COL25A1: variants seen among roughly 807,000 people sequenced by gnomAD.
COL25A1 encodes the protein collagen alpha-1(XXV) chain.
Under a neutral mutation model 128.4 loss-of-function variants are expected in COL25A1, and 103 were observed. The ratio of observed to expected loss-of-function variants is 0.80; its 90% CI spans 0.68 to 0.94. The LOEUF (loss-of-function observed/expected upper bound fraction) is 0.94. Ranked by LOEUF, COL25A1 falls within the 40% of genes least tolerant of loss-of-function variation. The probability of loss-of-function intolerance (pLI) is 0.00; values close to 1 mark genes in which losing one functional copy is unlikely to be tolerated. For synonymous variants in COL25A1, 279 were observed against 277.2 expected (o/e 1.01, Z -0.06); for missense variants, 745 against 840.0 (o/e 0.89, Z 1.40).
intron 12 of COL25A1, among the ~76,000 whole-genome samples, chr4:108,918,957 A>G (rs928042234): frequency 6.6e-6 from 1 of 152,232 alleles, no homozygotes; most frequent in Admixed American, 6.5e-5. Context: ...ATGACATTTA[A>G]CGGGATATAG....
chr4:108,980,207 C>T (rs564020616), intron 6 of COL25A1, among the ~76,000 whole-genome samples: 5 of 152,198 alleles, frequency 3.3e-5, no homozygotes, highest in East Asian at 1.9e-4. Flanking sequence ...ACGGGGTGTT[C>T]GGGATTCTTA....
chr4:109,113,565 G>T (rs773581755), intron 3 of COL25A1, among the ~76,000 whole-genome samples: 3 of 152,016 alleles, frequency 2.0e-5, no homozygotes, highest in Non-Finnish European at 4.4e-5. Flanking sequence ...ATGTTAAAAT[G>T]TTAATGGATA....
intron 30 of COL25A1, among the ~76,000 whole-genome samples, chr4:108,843,169 AAGAG>A (rs1734661260): frequency 1.4e-5 from 2 of 147,852 alleles, no homozygotes; most frequent in Non-Finnish European, 3.0e-5. Flanking sequence ...AAAAAAAAAA[AAGAG>A]GAAGAAGAAG....
chr4:109,165,037 C>T (rs183779575), intron 3 of COL25A1, among the ~76,000 whole-genome samples: 1 of 152,230 alleles, frequency 6.6e-6, no homozygotes, highest in East Asian at 1.9e-4. Flanking sequence ...AAAACTGTTA[C>T]CTCCAAATAG....
Position 109,302,192 on chromosome 4 carries a change from C to G in COL25A1, c.-80G>C. The stretch of plus-strand genomic sequence containing the variant: ...ACCCCTGCCTTGCTCAGCGTCCAGA[C>G]CCGCAGGCGTGCACCATCCCCGCTT... On this transcript the variant is annotated 5_prime_UTR_variant, in exon 1 of 38. Coordinates refer to ENST00000399132, the MANE Select transcript of COL25A1 (RefSeq NM_198721.4). The G allele has an allele frequency of 1.2e-6, 1 of 804,294 alleles. No homozygotes were observed. Among genetic ancestry groups the G allele is most frequent in the Non-Finnish European group, 1.9e-6 (1 of 530,128 alleles). The allele number at this position is 804,294 out of a possible 1,614,324, so 49.8% of individuals were successfully genotyped here.
Position 109,261,292 on chromosome 4 carries a change from G to A in COL25A1, c.367+39291C>T, listed in dbSNP as rs536330330. 1.4e-4 allele frequency among the ~76,000 whole-genome samples: 21 copies of A among 152,196 alleles called. No homozygotes were observed. In the East Asian group the frequency reaches 3.7e-3, roughly 27 times the overall value. The stretch of plus-strand genomic sequence containing the variant: ...AATCCCAGCACTTTGGCAGGCAAGC[G>A]GGTCACTTGAGGTCAGGAATTCAAA... On this transcript the variant is annotated intron_variant, in intron 3 of 37. Transcript: ENST00000399132.
chr4:108,847,115 C>T (rs1266503779), intron 27 of COL25A1, among the ~76,000 whole-genome samples: 3 of 151,760 alleles, frequency 2.0e-5, no homozygotes, highest in African/African-American at 4.8e-5. Context: ...CATGTTGGCC[C>T]GGCTGGTCTC....
At chr4:109,226,813 A>G (rs1399547470) in intron 3 of COL25A1, among the ~76,000 whole-genome samples, 1 of 152,138 alleles carries the variant, frequency 6.6e-6, no homozygotes, top group East Asian at 1.9e-4. Context: ...TATTAATACT[A>G]CAAAATAGGC....
In COL25A1 at chr4:108,961,502, T is replaced by G. The variant is rs1750669980; in HGVS notation, c.492+12865A>C. Reference sequence around the variant, plus strand: ...ATTGTCTTTTGCAAGATTTGCCACTTAGTTTTCAGTCGCATATGATGACAG... The same window carrying G: ...ATTGTCTTTTGCAAGATTTGCCACTGAGTTTTCAGTCGCATATGATGACAG... On this transcript the variant is annotated intron_variant, in intron 8 of 37. Coordinates refer to ENST00000399132, the MANE Select transcript of COL25A1 (RefSeq NM_198721.4). Among the ~76,000 whole-genome samples the G allele has an allele frequency of 3.3e-5, 5 of 152,128 alleles. 1 individual carries two copies. In the South Asian group the frequency reaches 1.0e-3, roughly 32 times the overall value.
Position 109,244,898 on chromosome 4 carries a change from C to T in COL25A1, c.367+55685G>A, listed in dbSNP as rs1488018235. 2.0e-5 allele frequency among the ~76,000 whole-genome samples: 3 copies of T among 151,976 alleles called. No homozygotes were observed. In the South Asian group the frequency reaches 6.2e-4, roughly 31 times the overall value. ...GGATCTCTAGAAAAATATTTTGTGT[C>T]TTGATACCTTTATATTTATATTTTT... is the stretch of plus-strand genomic sequence containing the variant. On this transcript the variant is annotated intron_variant, in intron 3 of 37. Coordinates refer to ENST00000399132, the MANE Select transcript of COL25A1 (RefSeq NM_198721.4).
intron 3 of COL25A1, among the ~76,000 whole-genome samples, chr4:109,251,052 G>A (rs140282687): frequency 2.6e-4 from 39 of 152,166 alleles, no homozygotes; most frequent in Admixed American, 1.4e-3. Flanking sequence ...ATACTATGAC[G>A]TAAAATTAAT....
At chr4:108,924,676 C>A (rs570133154) in intron 11 of COL25A1, among the ~76,000 whole-genome samples, 2 of 152,316 alleles carry the variant, frequency 1.3e-5, no homozygotes, top group Non-Finnish European at 2.9e-5. Flanking sequence ...TCCTCCAATC[C>A]TTTCTGCACA....
chr4:109,199,518 G>A (rs1307811243), intron 3 of COL25A1, among the ~76,000 whole-genome samples: 1 of 151,630 alleles, frequency 6.6e-6, no homozygotes, highest in African/African-American at 2.4e-5. Flanking sequence ...ATTTGCCCCT[G>A]AGAAGCAAAG....
intron 6 of COL25A1, among the ~76,000 whole-genome samples, chr4:108,992,705 C>A (rs1025152): frequency 0.8 from 121,114 of 152,152 alleles, 49,366 homozygotes; most frequent in East Asian, 1. Context: ...ACCATGTGGA[C>A]GCAAGTTATT....
intron 6 of COL25A1, among the ~76,000 whole-genome samples, 179 bp from the exon 7 acceptor site, chr4:108,974,738 A>G (rs1267998069): frequency 6.6e-6 from 1 of 152,240 alleles, no homozygotes; most frequent in Non-Finnish European, 1.5e-5. Context: ...ATATAACCAT[A>G]TATGTTTGTG....
chr4:109,224,523 TA>T (rs11340619), intron 3 of COL25A1, among the ~76,000 whole-genome samples: 10,160 of 150,606 alleles, frequency 0.067, 652 homozygotes, highest in African/African-American at 0.17. Flanking sequence ...CCTTAAAGTT[TA>T]AAAAAAAAAT....
At chr4:108,879,655 C>T (rs1030283679) in intron 19 of COL25A1, among the ~76,000 whole-genome samples, 5 of 152,092 alleles carry the variant, frequency 3.3e-5, no homozygotes, top group Non-Finnish European at 7.4e-5. Context: ...CCATGTTGGC[C>T]AGGCTGGTCT....
At chr4:108,816,064 G>A (rs1159254795) in intron 37 of COL25A1, among the ~76,000 whole-genome samples, 3 of 152,182 alleles carry the variant, frequency 2.0e-5, no homozygotes, top group Non-Finnish European at 2.9e-5. Flanking sequence ...GGTTATGATA[G>A]TGGAGGGATA....
At chr4:108,974,847 T>G (rs1012895767) in intron 6 of COL25A1, among the ~76,000 whole-genome samples, 6 of 152,158 alleles carry the variant, frequency 3.9e-5, no homozygotes, top group Non-Finnish European at 7.3e-5. Flanking sequence ...GTTAAAGAAA[T>G]AGAACATTAC....
Sources: allele counts gnomAD v4.1 joint callset (sites outside exome capture counted in the v4.1 genomes callset), GRCh38; gene constraint gnomAD v4.1.1; transcripts MANE v1.5; gene names NCBI Gene and HGNC (gene_info 2026-07-23, HGNC 2026-07-21).